AK4: variants seen among roughly 807,000 people sequenced by gnomAD.
AK4 encodes adenylate kinase 4, mitochondrial.
In AK4, 13 loss-of-function variants were observed where a neutral mutation model predicts 24.6. The ratio of observed to expected loss-of-function variants is 0.53; its 90% CI spans 0.34 to 0.84. The LOEUF (loss-of-function observed/expected upper bound fraction) is 0.84, where lower values mean the gene tolerates loss of function less well. Among genes scored for constraint, AK4 ranks in the 40% least tolerant of loss-of-function variants. AK4 has a pLI of 0.01. For synonymous variants in AK4, 88 were observed against 107.0 expected (o/e 0.82, Z 1.10); for missense variants, 192 against 288.2 (o/e 0.67, Z 2.42).
intron 2 of AK4, among the ~76,000 whole-genome samples, chr1:65,193,038 T>C (rs921560513): frequency 2.6e-5 from 4 of 152,192 alleles, no homozygotes; most frequent in Non-Finnish European, 5.9e-5. Flanking sequence ...CCCACTCCCA[T>C]GGCTCCATTA....
At position 65,149,167 on chromosome 1, in the gene AK4, C is replaced by G. The variant is rs186826831; in HGVS notation, c.145+615C>G. 689 of 153,032 alleles carry G rather than the reference C, an allele frequency of 4.5e-3. 4 individuals are homozygous for G. The highest frequency in any genetic ancestry group is 6.4e-3 in the Non-Finnish European group (438 of 68,636). 9.5% of individuals were successfully genotyped at this position (153,032 alleles called of 1,614,324 possible). On this transcript the variant is annotated intron_variant, in intron 1 of 4. Coordinates refer to ENST00000327299, the MANE Select transcript of AK4 (RefSeq NM_013410.4). ...TAAACTCTCCCCAGCAACTCCCCCC[C>G]CTCCCGAAGCCGCCGGGCCTGGCCG...
intron 1 of AK4, among the ~76,000 whole-genome samples, chr1:65,185,314 A>G (rs1201584872): frequency 6.6e-6 from 1 of 152,178 alleles, no homozygotes; most frequent in Admixed American, 6.5e-5. Context: ...TTCAATTTGT[A>G]CTAGTCCCTA....
chr1:65,164,670 A>C (rs745413283), intron 1 of AK4, among the ~76,000 whole-genome samples: 4 of 152,228 alleles, frequency 2.6e-5, no homozygotes, highest in Non-Finnish European at 5.9e-5. Context: ...TATCAGATAT[A>C]TGATTTACAA....
chr1:65,213,795 C>G (rs919179798), intron 2 of AK4, among the ~76,000 whole-genome samples: 2 of 152,162 alleles, frequency 1.3e-5, no homozygotes, highest in African/African-American at 4.8e-5. Flanking sequence ...CCCCCAGTAC[C>G]TCAGATTGTG....
At chr1:65,199,152 T>C (rs1651581244) in intron 2 of AK4, among the ~76,000 whole-genome samples, 1 of 152,044 alleles carries the variant, frequency 6.6e-6, no homozygotes, top group African/African-American at 2.4e-5. Context: ...TTTGTTGGCA[T>C]TTTCCCCCCT....
rs988808962 is a variant in AK4, at chr1:65,148,490, A to G, written c.83A>G (p.Asn28Ser). ...KGTVCQRIAQNFGLQHLSSGH... is the reference protein window; with the variant it reads ...KGTVCQRIAQSFGLQHLSSGH... The stretch of plus-strand genomic sequence containing the variant: ...ACCGTGTGCCAGAGGATCGCCCAGA[A>G]CTTTGGTCTCCAGCATCTCTCCAGC... Residue 28 changes from asparagine to serine, a missense_variant, in exon 1 of 5, where the codon AAC becomes AGC. Physicochemically the swap from Asn to Ser is conservative, Grantham distance 46 (BLOSUM62 1). Coordinates refer to ENST00000327299, the MANE Select transcript of AK4 (RefSeq NM_013410.4). The G allele has an allele frequency of 1.9e-6, 3 of 1,583,654 alleles. No homozygotes were observed. The highest frequency in any genetic ancestry group is 2.6e-6 in the Non-Finnish European group (3 of 1,165,580).
At chr1:65,218,358 A>C (rs1652194205) in intron 2 of AK4, among the ~76,000 whole-genome samples, 1 of 152,256 alleles carries the variant, frequency 6.6e-6, no homozygotes, top group Non-Finnish European at 1.5e-5. Context: ...AGAAAGGACT[A>C]GAGCCAGGAC....
intron 1 of AK4, among the ~76,000 whole-genome samples, chr1:65,163,183 C>T (rs1297816095): frequency 6.6e-6 from 1 of 152,156 alleles, no homozygotes; most frequent in Non-Finnish European, 1.5e-5. Flanking sequence ...GTGGAAGTGC[C>T]TGTTATCCAA....
intron 2 of AK4, among the ~76,000 whole-genome samples, chr1:65,203,327 GATATTA>G (rs1229462332): frequency 6.6e-6 from 1 of 152,024 alleles, no homozygotes; most frequent in Non-Finnish European, 1.5e-5. Context: ...GTAGACATTT[GATATTA>G]TTATTTATTA....
At chr1:65,210,618 G>C (rs1362021975) in intron 2 of AK4, among the ~76,000 whole-genome samples, 3 of 152,094 alleles carry the variant, frequency 2.0e-5, no homozygotes. Flanking sequence ...GTTGGGTGAT[G>C]GTGGTGGTGG....
At chr1:65,223,634 G>A (rs996420944) in intron 3 of AK4, among the ~76,000 whole-genome samples, 77 of 151,996 alleles carry the variant, frequency 5.1e-4, no homozygotes, top group Middle Eastern at 3.4e-3. Context: ...ATTTTGGGGG[G>A]GAATAGAAAG....
chr1:65,150,165 A>T (rs781313086), intron 1 of AK4, among the ~76,000 whole-genome samples: 1 of 152,150 alleles, frequency 6.6e-6, no homozygotes, highest in African/African-American at 2.4e-5. Flanking sequence ...GACTGGACTC[A>T]TAGCCCTTTC....
At chr1:65,213,362 G>A (rs1003645955) in intron 2 of AK4, among the ~76,000 whole-genome samples, 6 of 152,176 alleles carry the variant, frequency 3.9e-5, no homozygotes, top group African/African-American at 1.4e-4. Context: ...GAGGCTTATG[G>A]AAGTAGTGGC....
chr1:65,178,199 A>G (rs1650781669), intron 1 of AK4, among the ~76,000 whole-genome samples: 1 of 152,124 alleles, frequency 6.6e-6, no homozygotes. Context: ...CTCTGGCCTC[A>G]AGGGGATTAT....
At chr1:65,191,863 G>T (rs1651318772) in intron 2 of AK4, among the ~76,000 whole-genome samples, 1 of 152,162 alleles carries the variant, frequency 6.6e-6, no homozygotes, top group Non-Finnish European at 1.5e-5. Flanking sequence ...TGGACTAAGG[G>T]ATGTCGAAGG....
At chr1:65,189,241 G>T (rs1651208681) in intron 1 of AK4, among the ~76,000 whole-genome samples, 1 of 149,634 alleles carries the variant, frequency 6.7e-6, no homozygotes. Flanking sequence ...GGCTCTTTGT[G>T]TTTTTTAAAA....
intron 2 of AK4, among the ~76,000 whole-genome samples, chr1:65,201,051 C>T (rs1651649201): frequency 6.6e-6 from 1 of 152,208 alleles, no homozygotes; most frequent in Non-Finnish European, 1.5e-5. Flanking sequence ...CTCGGCCTCC[C>T]AAAGTGCTGG....
intron 1 of AK4, among the ~76,000 whole-genome samples, chr1:65,186,593 C>G (rs1651108615): frequency 6.6e-6 from 1 of 152,206 alleles, no homozygotes. Context: ...ATAATTAGAT[C>G]TGGAGTTCTA....
At chr1:65,200,393 GCGTGAGCCAC>G (rs1651626867) in intron 2 of AK4, among the ~76,000 whole-genome samples, 2 of 152,290 alleles carry the variant, frequency 1.3e-5, no homozygotes, top group South Asian at 4.1e-4. Flanking sequence ...GTGATTACAG[GCGTGAGCCAC>G]CGTGCCCGGT....
Sources: gnomAD v4.1 joint callset for allele counts (sites outside exome capture counted in the v4.1 genomes callset) on GRCh38, gnomAD v4.1.1 for gene constraint, MANE v1.5 for transcripts, NCBI Gene and HGNC (gene_info 2026-07-23, HGNC 2026-07-21) for gene names.